ELMO1: variants seen among roughly 807,000 people sequenced by gnomAD.
The protein encoded by ELMO1 is engulfment and cell motility protein 1.
Under a neutral mutation model 98.9 loss-of-function variants are expected in ELMO1, and 26 were observed. That is an observed-to-expected ratio of 0.26 (90% CI 0.19 to 0.36). The LOEUF is 0.36. ELMO1 is among the 10% of genes least tolerant of loss of function. The pLI, the probability that ELMO1 is intolerant of heterozygous loss-of-function variation, is 1.00. For synonymous variants in ELMO1, 346 were observed against 346.0 expected, an observed-to-expected ratio of 1.00 and a Z score of 0.00; for missense variants, 627 against 935.2, an observed-to-expected ratio of 0.67 and a Z score of 4.30.
intron 16 of ELMO1, among the ~76,000 whole-genome samples, chr7:36,970,231 G>C (rs961204893): frequency 6.1e-5 from 9 of 146,456 alleles, no homozygotes; most frequent in African/African-American, 2.4e-4. Context: ...GCACACCAAG[G>C]ATCATATGCT....
rs1007597285 is a variant in ELMO1, at chr7:36,915,492, C to T, written c.1438-20475G>A. ...TCCAAAGCTGTGATCACATTCAGCC[C>T]CCATTCAGGCCTTAGAGATGGATCC... On this transcript the variant is annotated intron_variant, in intron 16 of 21. Transcript: ENST00000310758. Among the ~76,000 whole-genome samples the T allele has an allele frequency of 2.9e-4, 44 of 152,146 alleles. 1 individual carries two copies. The highest frequency in any genetic ancestry group is 1.0e-3 in the African/African-American group (43 of 41,426).
intron 15 of ELMO1, among the ~76,000 whole-genome samples, chr7:37,092,399 G>C (rs1784154211): frequency 1.1e-5 from 1 of 89,670 alleles, no homozygotes. Context: ...TTTTTTTGGA[G>C]ACAGAGTCTC....
chr7:37,410,403 A>T (rs971423866), intron 1 of ELMO1, among the ~76,000 whole-genome samples: 4 of 152,186 alleles, frequency 2.6e-5, no homozygotes, highest in Non-Finnish European at 4.4e-5. Flanking sequence ...GTAAATGCTT[A>T]TTTGAAATGT....
At chr7:37,282,231 T>C (rs1415119150) in intron 4 of ELMO1, among the ~76,000 whole-genome samples, 1 of 152,226 alleles carries the variant, frequency 6.6e-6, no homozygotes, top group Non-Finnish European at 1.5e-5. Flanking sequence ...TCCGATCCTC[T>C]GCGTTCAGGC....
At chr7:37,023,329 T>A (rs964030745) in intron 15 of ELMO1, among the ~76,000 whole-genome samples, 1 of 152,180 alleles carries the variant, frequency 6.6e-6, no homozygotes, top group African/African-American at 2.4e-5. Context: ...ATCCTGTCTA[T>A]CCAGTAGACA....
At chr7:37,258,451 A>AAG (rs72415632) in intron 6 of ELMO1, among the ~76,000 whole-genome samples, 27 of 151,030 alleles carry the variant, frequency 1.8e-4, no homozygotes, top group East Asian at 3.9e-4. Context: ...AAAAAAAAAT[A>AAG]AGAGAGAGAG....
At chr7:37,173,892 C>A (rs960701730) in intron 13 of ELMO1, among the ~76,000 whole-genome samples, 2 of 152,166 alleles carry the variant, frequency 1.3e-5, no homozygotes, top group African/African-American at 4.8e-5. Context: ...CTGCCCCAAG[C>A]CCCAGCAATT....
At chr7:37,054,876 T>C (rs1424343242) in intron 15 of ELMO1, among the ~76,000 whole-genome samples, 2 of 152,224 alleles carry the variant, frequency 1.3e-5, no homozygotes, top group African/African-American at 4.8e-5. Flanking sequence ...TCATTTTCCA[T>C]TGGCTGTAAA....
At chr7:36,888,979 TCATCATTCC>T (rs1394745677) in intron 17 of ELMO1, among the ~76,000 whole-genome samples, 2 of 152,214 alleles carry the variant, frequency 1.3e-5, no homozygotes, top group Non-Finnish European at 2.9e-5. Context: ...AGTATTAATG[TCATCATTCC>T]CATCATTCCC....
intron 16 of ELMO1, among the ~76,000 whole-genome samples, chr7:36,982,455 T>G (rs1294515588): frequency 2.0e-5 from 3 of 152,212 alleles, no homozygotes; most frequent in African/African-American, 7.2e-5. Flanking sequence ...CTAGAAAAAT[T>G]AAAATCACAT....
chr7:36,932,000 A>G (rs1459951230), intron 16 of ELMO1, among the ~76,000 whole-genome samples: 1 of 152,220 alleles, frequency 6.6e-6, no homozygotes, highest in Non-Finnish European at 1.5e-5. Flanking sequence ...GATACTATAC[A>G]CAAGACTAAA....
intron 16 of ELMO1, among the ~76,000 whole-genome samples, chr7:37,010,120 G>A (rs913006262): frequency 1.3e-5 from 2 of 152,122 alleles, no homozygotes; most frequent in Non-Finnish European, 2.9e-5. Context: ...AAAGAAAAGG[G>A]ACATAATTAT....
At chr7:37,359,226 A>T (rs1046160015) in intron 1 of ELMO1, among the ~76,000 whole-genome samples, 1 of 152,252 alleles carries the variant, frequency 6.6e-6, no homozygotes, top group Non-Finnish European at 1.5e-5. Context: ...TTTACTGCAG[A>T]TTACATCTAA....
intron 13 of ELMO1, among the ~76,000 whole-genome samples, chr7:37,170,114 A>G (rs576277100): frequency 2.4e-4 from 36 of 152,306 alleles, no homozygotes; most frequent in African/African-American, 7.2e-4. Flanking sequence ...CATGTTGGCC[A>G]GGCTGGTCTC....
intron 4 of ELMO1, among the ~76,000 whole-genome samples, chr7:37,306,270 A>G (rs963602225): frequency 6.6e-6 from 1 of 152,350 alleles, no homozygotes; most frequent in Admixed American, 6.5e-5. Context: ...GTAAAGCTAC[A>G]CCAAGGAGAC....
intron 16 of ELMO1, among the ~76,000 whole-genome samples, chr7:36,935,326 C>A (rs1488471425): frequency 1.3e-5 from 2 of 152,182 alleles, no homozygotes; most frequent in Admixed American, 6.5e-5. Flanking sequence ...GTCCATTAAA[C>A]CTCTTTCTTT....
At chr7:36,987,862 A>T (rs1321526853) in intron 16 of ELMO1, among the ~76,000 whole-genome samples, 1 of 151,948 alleles carries the variant, frequency 6.6e-6, no homozygotes, top group South Asian at 2.1e-4. Context: ...GGTTCAAGCG[A>T]TTCTCCTGCC....
chr7:37,333,479 A>G (rs573411186), intron 2 of ELMO1, among the ~76,000 whole-genome samples: 31 of 152,302 alleles, frequency 2.0e-4, no homozygotes, highest in Non-Finnish European at 4.0e-4. Flanking sequence ...GCAAACTAAA[A>G]ATCTGCATTT....
intron 4 of ELMO1, among the ~76,000 whole-genome samples, chr7:37,306,358 T>C (rs1319173641): frequency 1.3e-5 from 2 of 152,116 alleles, no homozygotes; most frequent in African/African-American, 4.8e-5. Context: ...AAATTGAAAA[T>C]GTTGACTTGT....
Sources: gnomAD v4.1 joint callset for allele counts (sites outside exome capture counted in the v4.1 genomes callset) on GRCh38, gnomAD v4.1.1 for gene constraint, MANE v1.5 for transcripts, NCBI Gene and HGNC (gene_info 2026-07-23, HGNC 2026-07-21) for gene names.